The following ZNF451 variants were observed in gnomAD, a reference collection of about 807,000 sequenced individuals.
ZNF451 encodes the protein E3 SUMO-protein ligase ZNF451.
A neutral mutation model predicts 107.1 loss-of-function variants in ZNF451; 80 were observed. The observed-to-expected ratio is 0.75, with a 90% CI of 0.62 to 0.90. The LOEUF (loss-of-function observed/expected upper bound fraction) is 0.90, where lower values mean the gene tolerates loss of function less well. ZNF451 is among the 40% of genes least tolerant of loss of function. The pLI, the probability that ZNF451 is intolerant of heterozygous loss-of-function variation, is 0.00. For missense variants in ZNF451, 1,107 were observed against 1,236.2 expected (o/e 0.90, Z 1.57); for synonymous variants, 362 against 406.5 (o/e 0.89, Z 1.32).
intron 3 of ZNF451, among the ~76,000 whole-genome samples, chr6:57,111,452 C>T (rs750680593): frequency 6.6e-6 from 1 of 151,578 alleles, no homozygotes; most frequent in Non-Finnish European, 1.5e-5. Context: ...GCGATCTTGG[C>T]TCACTGCAAC....
rs1411781289 is a variant in ZNF451, at chr6:57,170,205, C to CT, written c.*1739dup. On this transcript the variant is annotated 3_prime_UTR_variant, in exon 15 of 15. Coordinates refer to ENST00000370706, the MANE Select transcript of ZNF451 (RefSeq NM_001031623.3). ...ATTAAAAATCATCTTAAAATTCATA[C>CT]TTTGACTTTAATTTAGACACAAGGA... 1 of 152,170 alleles carries CT rather than the reference C, an allele frequency of 6.6e-6. No individual in the cohort carries two copies. The highest frequency in any genetic ancestry group is 1.9e-4 in the East Asian group (1 of 5,200). 9.4% of individuals were successfully genotyped at this position (152,170 alleles called of 1,614,324 possible). A position where few individuals can be genotyped will look rare whatever the true frequency, so the allele number is the denominator to read the frequency against.
intron 9 of ZNF451, among the ~76,000 whole-genome samples, chr6:57,144,234 CTT>C (rs57250829): frequency 9.4e-4 from 108 of 114,756 alleles, no homozygotes; most frequent in Middle Eastern, 5.3e-3. Flanking sequence ...GAATTATATC[CTT>C]TTTTTTTTTT....
chr6:57,093,004 C>G (rs1021501847), intron 2 of ZNF451: 1 of 152,154 alleles, frequency 6.6e-6, no homozygotes, highest in Non-Finnish European at 1.5e-5. Flanking sequence ...GTAAACAGCG[C>G]CTAAATCAAG....
intron 3 of ZNF451, chr6:57,102,167 A>G: frequency 6.9e-7 from 1 of 1,442,960 alleles, no homozygotes; most frequent in Non-Finnish European, 9.1e-7. Context: ...CCTTGTACAA[A>G]TAGGATCTAC....
intron 3 of ZNF451, among the ~76,000 whole-genome samples, chr6:57,123,136 C>T (rs1593119090): frequency 6.6e-6 from 1 of 152,048 alleles, no homozygotes; most frequent in East Asian, 1.9e-4. Flanking sequence ...TCACAGCACT[C>T]CAGGCTGAGT....
chr6:57,102,103 G>C, intron 3 of ZNF451: 1 of 1,488,752 alleles, frequency 6.7e-7, no homozygotes, highest in Non-Finnish European at 8.9e-7. Flanking sequence ...TTAATAACCT[G>C]TTTAATGTTC....
chr6:57,101,217 A>G, intron 3 of ZNF451: 1 of 1,551,100 alleles, frequency 6.4e-7, no homozygotes, highest in East Asian at 2.4e-5. Flanking sequence ...GAATGGAACA[A>G]AGAGGTGTTA....
At chr6:57,161,929 C>G (rs1763691192) in intron 14 of ZNF451, among the ~76,000 whole-genome samples, 2 of 152,184 alleles carry the variant, frequency 1.3e-5, no homozygotes, top group African/African-American at 4.8e-5. Context: ...TTAAAGAGAA[C>G]TTTTTATGTC....
intron 10 of ZNF451, among the ~76,000 whole-genome samples, chr6:57,149,189 T>C (rs2127980286): frequency 6.6e-6 from 1 of 152,302 alleles, no homozygotes. Context: ...ACAATTAAAA[T>C]AGCAATTAGA....
intron 9 of ZNF451, among the ~76,000 whole-genome samples, 192 bp downstream of exon 9, chr6:57,142,287 A>C (rs1342469558): frequency 2.6e-5 from 4 of 152,246 alleles, no homozygotes; most frequent in Admixed American, 2.6e-4. Context: ...ATATTCTGCA[A>C]GTGTAAAGCA....
chr6:57,098,862 G>C (rs549782312), intron 2 of ZNF451, among the ~76,000 whole-genome samples, 199 bp from the exon 3 acceptor site: 1 of 152,012 alleles, frequency 6.6e-6, no homozygotes, highest in Non-Finnish European at 1.5e-5. Flanking sequence ...CTTCCTTTTA[G>C]GTCTTGTCAT....
chr6:57,109,303 A>G (rs1297502738), intron 3 of ZNF451: 1 of 781,766 alleles, frequency 1.3e-6, no homozygotes, highest in Non-Finnish European at 1.5e-6. Flanking sequence ...ATATACACAC[A>G]TTTTTTTTTT....
intron 2 of ZNF451, among the ~76,000 whole-genome samples, chr6:57,096,606 C>CG (rs1250493099): frequency 2.6e-4 from 10 of 38,630 alleles, no homozygotes; most frequent in Middle Eastern, 0.018. Context: ...GTTACCGGGG[C>CG]GGGGGGGTAG....
At chr6:57,152,608 G>T (rs1289511294) in intron 12 of ZNF451, among the ~76,000 whole-genome samples, 2 of 152,088 alleles carry the variant, frequency 1.3e-5, no homozygotes, top group Non-Finnish European at 2.9e-5. Flanking sequence ...TTTTGGGTTT[G>T]TTTTTGAGAC....
chr6:57,138,741 A>ATATATATGTGTG (rs1365084616), intron 7 of ZNF451, among the ~76,000 whole-genome samples: 2 of 46,600 alleles, frequency 4.3e-5, no homozygotes, highest in African/African-American at 9.2e-5. Flanking sequence ...ATATATATAT[A>ATATATATGTGTG]TGTGTGTGTG....
Position 57,090,236 on chromosome 6 carries a change from A to C in ZNF451, c.-18A>C, listed in dbSNP as rs758542165. The stretch of plus-strand genomic sequence containing the variant: ...GGACAGCAGGAGCAGTGGTGCTGTC[A>C]GCGCGGCCGTCGGAGACATGGGAGA... On this transcript the variant is annotated 5_prime_UTR_variant, in exon 1 of 15. Transcript: ENST00000370706. 1 of 1,609,804 alleles carries C rather than the reference A, an allele frequency of 6.2e-7. No homozygotes were observed. Among genetic ancestry groups the C allele is most frequent in the South Asian group, 1.1e-5 (1 of 90,128 alleles).
At chr6:57,135,403 T>G (rs777334492) in intron 7 of ZNF451, among the ~76,000 whole-genome samples, 27 of 152,134 alleles carry the variant, frequency 1.8e-4, no homozygotes, top group Admixed American at 7.2e-4. Context: ...GTAGATAACT[T>G]TAATGACTTA....
At chr6:57,133,290 A>G (rs143832512) in intron 6 of ZNF451, 98 bp downstream of exon 6, 10 of 1,144,338 alleles carry the variant, frequency 8.7e-6, no homozygotes, top group Non-Finnish European at 9.8e-6. Context: ...CATTATGATT[A>G]TATAGCTTTA....
intron 14 of ZNF451, chr6:57,165,428 C>T (rs1264023606): frequency 6.6e-6 from 1 of 152,078 alleles, no homozygotes; most frequent in Non-Finnish European, 1.5e-5. Flanking sequence ...CTTTCTGTTC[C>T]TCATACTGGA....
Sources: allele counts gnomAD v4.1 joint callset (sites outside exome capture counted in the v4.1 genomes callset), GRCh38; gene constraint gnomAD v4.1.1; transcripts MANE v1.5; gene names NCBI Gene and HGNC (gene_info 2026-07-23, HGNC 2026-07-21).